The following PIP4K2A variants were observed in gnomAD, a reference collection of about 807,000 sequenced individuals.
PIP4K2A encodes phosphatidylinositol 5-phosphate 4-kinase type-2 alpha.
Under a neutral mutation model 42.9 loss-of-function variants are expected in PIP4K2A, and 14 were observed. The ratio of observed to expected loss-of-function variants is 0.33; its 90% CI spans 0.22 to 0.51. PIP4K2A has a LOEUF of 0.51. Among genes scored for constraint, PIP4K2A ranks in the 20% least tolerant of loss-of-function variants. The pLI is 0.97. For synonymous variants in PIP4K2A, 192 were observed against 192.2 expected, an observed-to-expected ratio of 1.00 and a Z score of 0.01; for missense variants, 434 against 519.8, an observed-to-expected ratio of 0.83 and a Z score of 1.61.
chr10:22,675,867 G>A (rs546418237), intron 1 of PIP4K2A, among the ~76,000 whole-genome samples: 12 of 152,090 alleles, frequency 7.9e-5, no homozygotes, highest in Non-Finnish European at 1.3e-4. Context: ...GACATTTCCC[G>A]ACTTGGAAGA....
chr10:22,654,178 T>C (rs779739129), intron 1 of PIP4K2A, among the ~76,000 whole-genome samples: 2 of 152,170 alleles, frequency 1.3e-5, no homozygotes, highest in Non-Finnish European at 2.9e-5. Context: ...GAAAAACACA[T>C]GTTTCCGTAA....
intron 1 of PIP4K2A, among the ~76,000 whole-genome samples, chr10:22,664,896 T>C (rs377218640): frequency 2.0e-5 from 3 of 152,138 alleles, no homozygotes; most frequent in Non-Finnish European, 4.4e-5. Context: ...CTGGACATCA[T>C]TGTTCTTTTG....
rs751975129 is a variant in PIP4K2A, at chr10:22,678,373, T to TAC, written c.144+35808_144+35809dup. ...GCATGATAAAGAGAACACACATACA[T>TAC]ACACACACACTCCAAATACAAGACT... On this transcript the variant is annotated intron_variant, in intron 1 of 9. Coordinates refer to ENST00000376573, the MANE Select transcript of PIP4K2A (RefSeq NM_005028.5). Among the ~76,000 whole-genome samples the TAC allele has an allele frequency of 2.6e-5, 4 of 151,920 alleles. No homozygotes were observed. The East Asian group carries it at 7.7e-4, about 29-fold the overall frequency.
At chr10:22,597,187 G>A (rs1448842501) in intron 3 of PIP4K2A, among the ~76,000 whole-genome samples, 1 of 152,194 alleles carries the variant, frequency 6.6e-6, no homozygotes, top group African/African-American at 2.4e-5. Flanking sequence ...AAGAGTAGGA[G>A]CTGTCTTCTC....
chr10:22,560,680 TG>T (rs1012061843), intron 6 of PIP4K2A, among the ~76,000 whole-genome samples: 2 of 152,206 alleles, frequency 1.3e-5, no homozygotes, highest in African/African-American at 4.8e-5. Context: ...TTCTTTCAAA[TG>T]GGTTTCAGGA....
At chr10:22,634,067 T>A (rs1382978153) in intron 1 of PIP4K2A, among the ~76,000 whole-genome samples, 2 of 152,192 alleles carry the variant, frequency 1.3e-5, no homozygotes, top group Non-Finnish European at 2.9e-5. Flanking sequence ...AAAATATGAT[T>A]ATGGGACTTA....
At chr10:22,691,017 C>T (rs73598593) in intron 1 of PIP4K2A, among the ~76,000 whole-genome samples, 2,585 of 152,222 alleles carry the variant, frequency 0.017, 76 homozygotes, top group African/African-American at 0.058. Flanking sequence ...CCACGTAACC[C>T]CCTAAGGGAG....
intron 1 of PIP4K2A, among the ~76,000 whole-genome samples, chr10:22,702,150 T>C (rs989897075): frequency 6.6e-6 from 1 of 152,198 alleles, no homozygotes; most frequent in African/African-American, 2.4e-5. Flanking sequence ...GAATGTTCCC[T>C]GAATGACTAT....
chr10:22,629,749 T>C (rs906517086), intron 1 of PIP4K2A, among the ~76,000 whole-genome samples: 13 of 152,168 alleles, frequency 8.5e-5, no homozygotes, highest in Non-Finnish European at 1.5e-4. Flanking sequence ...GGAAATATAT[T>C]TCCTATTCCA....
At chr10:22,602,419 A>AAAAG (rs1392027051) in intron 3 of PIP4K2A, among the ~76,000 whole-genome samples, 2 of 151,122 alleles carry the variant, frequency 1.3e-5, no homozygotes, top group African/African-American at 2.5e-5. Flanking sequence ...AAAAGAAAAG[A>AAAAG]AAAGAAAGAA....
chr10:22,680,560 T>C (rs1446459032), intron 1 of PIP4K2A, among the ~76,000 whole-genome samples: 1 of 150,014 alleles, frequency 6.7e-6, no homozygotes, highest in Non-Finnish European at 1.5e-5. Flanking sequence ...TGAATGACAA[T>C]AAAAAGGCTA....
At chr10:22,687,824 T>C (rs1839792852) in intron 1 of PIP4K2A, among the ~76,000 whole-genome samples, 1 of 152,246 alleles carries the variant, frequency 6.6e-6, no homozygotes, top group South Asian at 2.1e-4. Flanking sequence ...TGTTACATTA[T>C]TATTTGTTTT....
At chr10:22,679,346 A>C (rs1242530276) in intron 1 of PIP4K2A, among the ~76,000 whole-genome samples, 2 of 152,248 alleles carry the variant, frequency 1.3e-5, no homozygotes, top group African/African-American at 4.8e-5. Flanking sequence ...GAACATGTGA[A>C]TCAAAACCAC....
At chr10:22,617,691 G>A (rs1838204687) in intron 1 of PIP4K2A, among the ~76,000 whole-genome samples, 1 of 152,132 alleles carries the variant, frequency 6.6e-6, no homozygotes, top group African/African-American at 2.4e-5. Flanking sequence ...TGGAGCCCCT[G>A]TTGGGTATAA....
chr10:22,705,731 G>A (rs1306445717), intron 1 of PIP4K2A, among the ~76,000 whole-genome samples: 1 of 151,998 alleles, frequency 6.6e-6, no homozygotes, highest in African/African-American at 2.4e-5. Context: ...ACTGGGTTCT[G>A]CCACTGTGGC....
chr10:22,670,534 T>C (rs1839428360), intron 1 of PIP4K2A, among the ~76,000 whole-genome samples: 1 of 152,176 alleles, frequency 6.6e-6, no homozygotes, highest in African/African-American at 2.4e-5. Context: ...ATTGCATACG[T>C]ACAGGGCATC....
At chr10:22,679,005 C>T (rs1588702533) in intron 1 of PIP4K2A, among the ~76,000 whole-genome samples, 1 of 152,152 alleles carries the variant, frequency 6.6e-6, no homozygotes, top group Admixed American at 6.6e-5. Context: ...AAAAAATTCT[C>T]TAAAATCTTT....
chr10:22,555,823 C>A (rs1588622845), intron 6 of PIP4K2A, among the ~76,000 whole-genome samples: 1 of 151,582 alleles, frequency 6.6e-6, no homozygotes, highest in African/African-American at 2.4e-5. Context: ...TTTAGCTTCC[C>A]TGGGCCACAC....
chr10:22,662,141 A>G (rs1839215439), intron 1 of PIP4K2A, among the ~76,000 whole-genome samples: 1 of 152,224 alleles, frequency 6.6e-6, no homozygotes, highest in Non-Finnish European at 1.5e-5. Context: ...TATTTTTGAT[A>G]CTGAATTTTG....
Sources: gnomAD v4.1 joint callset for allele counts (sites outside exome capture counted in the v4.1 genomes callset) on GRCh38, gnomAD v4.1.1 for gene constraint, MANE v1.5 for transcripts, NCBI Gene and HGNC (gene_info 2026-07-23, HGNC 2026-07-21) for gene names.